NXPH1: variants seen among roughly 807,000 people sequenced by gnomAD.
The protein encoded by NXPH1 is neurexophilin 1, also known as neurexophilin-1.
A neutral mutation model predicts 23.7 loss-of-function variants in NXPH1; 5 were observed. The observed-to-expected ratio is 0.21, with a 90% CI of 0.11 to 0.44. The LOEUF (loss-of-function observed/expected upper bound fraction) is 0.44, where lower values mean the gene tolerates loss of function less well. Ranked by LOEUF, NXPH1 falls within the 20% of genes least tolerant of loss-of-function variation. The pLI, the probability that NXPH1 is intolerant of heterozygous loss-of-function variation, is 0.99. For synonymous variants in NXPH1, 144 were observed against 122.2 expected, an observed-to-expected ratio of 1.18 and a Z score of -1.18; for missense variants, 324 against 321.6, an observed-to-expected ratio of 1.01 and a Z score of -0.06.
chr7:8,509,110 T>C (rs2128613673), intron 2 of NXPH1, among the ~76,000 whole-genome samples: 1 of 152,254 alleles, frequency 6.6e-6, no homozygotes, highest in East Asian at 1.9e-4. Context: ...TTGATATCTT[T>C]ATTAAATGAC....
chr7:8,520,150 G>C (rs894003765), intron 2 of NXPH1, among the ~76,000 whole-genome samples: 2 of 152,126 alleles, frequency 1.3e-5, no homozygotes, highest in Admixed American at 6.6e-5. Flanking sequence ...CGAGAATCTG[G>C]AATAATCTTC....
intron 2 of NXPH1, among the ~76,000 whole-genome samples, chr7:8,485,808 G>T (rs1817148974): frequency 6.6e-6 from 1 of 152,142 alleles, no homozygotes; most frequent in African/African-American, 2.4e-5. Context: ...GAACATTTTG[G>T]ATTCAGGTAT....
chr7:8,554,702 A>G (rs1367952527), intron 2 of NXPH1, among the ~76,000 whole-genome samples: 1 of 151,664 alleles, frequency 6.6e-6, no homozygotes, highest in African/African-American at 2.4e-5. Flanking sequence ...TATTTCCTGA[A>G]TTCTTTGGCC....
intron 2 of NXPH1, among the ~76,000 whole-genome samples, chr7:8,659,684 A>G (rs944050968): frequency 3.9e-5 from 6 of 152,232 alleles, no homozygotes; most frequent in Non-Finnish European, 7.3e-5. Flanking sequence ...GTACATATGT[A>G]ACAAACCTGC....
intron 2 of NXPH1, among the ~76,000 whole-genome samples, chr7:8,695,729 C>T (rs944677431): frequency 1.3e-5 from 2 of 152,226 alleles, no homozygotes; most frequent in African/African-American, 2.4e-5. Flanking sequence ...ACTGTCAGCA[C>T]TCAAAACTTT....
At chr7:8,523,085 T>C (rs1817799922) in intron 2 of NXPH1, among the ~76,000 whole-genome samples, 1 of 152,230 alleles carries the variant, frequency 6.6e-6, no homozygotes, top group Non-Finnish European at 1.5e-5. Flanking sequence ...ATGTGTTTCA[T>C]GTCAGAAGAT....
chr7:8,462,564 G>T (rs1213107545), intron 2 of NXPH1, among the ~76,000 whole-genome samples: 1 of 152,130 alleles, frequency 6.6e-6, no homozygotes, highest in Non-Finnish European at 1.5e-5. Flanking sequence ...TCAAATGCAG[G>T]AAAGCTGGCT....
chr7:8,660,541 A>C (rs186512542), intron 2 of NXPH1, among the ~76,000 whole-genome samples: 1 of 152,258 alleles, frequency 6.6e-6, no homozygotes, highest in African/African-American at 2.4e-5. Flanking sequence ...GAAGTTTTAA[A>C]AATGAATAAG....
At chr7:8,451,848 G>A (rs1816511977) in intron 2 of NXPH1, among the ~76,000 whole-genome samples, 1 of 152,238 alleles carries the variant, frequency 6.6e-6, no homozygotes, top group Admixed American at 6.5e-5. Flanking sequence ...GCATAGGCAA[G>A]AAGAGTATTT....
At chr7:8,612,178 C>T (rs992927240) in intron 2 of NXPH1, among the ~76,000 whole-genome samples, 2 of 151,466 alleles carry the variant, frequency 1.3e-5, no homozygotes, top group Non-Finnish European at 3.0e-5. Flanking sequence ...ATTTCTCCCT[C>T]TTTTCTTTAC....
chr7:8,465,027 C>T (rs1053640010), intron 2 of NXPH1, among the ~76,000 whole-genome samples: 2 of 152,110 alleles, frequency 1.3e-5, no homozygotes, highest in African/African-American at 2.4e-5. Flanking sequence ...GAGAAGGAGA[C>T]ACGAAGACCT....
chr7:8,605,093 A>C (rs957844273), intron 2 of NXPH1, among the ~76,000 whole-genome samples: 3 of 152,146 alleles, frequency 2.0e-5, no homozygotes, highest in African/African-American at 4.8e-5. Context: ...AATAACTTCA[A>C]GTGAATTCAT....
chr7:8,606,949 T>C (rs1396237765), intron 2 of NXPH1, among the ~76,000 whole-genome samples: 1 of 152,302 alleles, frequency 6.6e-6, no homozygotes, highest in East Asian at 1.9e-4. Flanking sequence ...CTAATTTTAT[T>C]GATTGCTTGA....
At chr7:8,459,409 A>G (rs991617051) in intron 2 of NXPH1, among the ~76,000 whole-genome samples, 1 of 152,192 alleles carries the variant, frequency 6.6e-6, no homozygotes, top group Non-Finnish European at 1.5e-5. Context: ...GACTTCTGTA[A>G]TAAAACACAA....
chr7:8,750,024 A>C (rs1055021506), intron 2 of NXPH1, among the ~76,000 whole-genome samples: 1 of 152,106 alleles, frequency 6.6e-6, no homozygotes, highest in African/African-American at 2.4e-5. Flanking sequence ...CTCACAATCC[A>C]CCCTGAAGTG....
At position 8,482,967 on chromosome 7, in the gene NXPH1, C is replaced by T. The variant is rs1199269326; in HGVS notation, c.54+47200C>T. ...ATAAACGAAATATCTTCTCTAAATA[C>T]ATTACATTTTGTTGTCAATATACGG... On this transcript the variant is annotated intron_variant, in intron 2 of 2. Coordinates refer to ENST00000405863, the MANE Select transcript of NXPH1 (RefSeq NM_152745.3). 2.0e-5 allele frequency among the ~76,000 whole-genome samples: 3 copies of T among 152,198 alleles called. No individual in the cohort carries two copies. The East Asian group carries it at 5.8e-4, about 29-fold the overall frequency.
intron 2 of NXPH1, among the ~76,000 whole-genome samples, chr7:8,736,899 T>A (rs1780267265): frequency 6.6e-6 from 1 of 152,182 alleles, no homozygotes; most frequent in Non-Finnish European, 1.5e-5. Flanking sequence ...TTTGTCTTTT[T>A]TGGTCTTTGT....
chr7:8,529,391 G>C (rs887414573), intron 2 of NXPH1, among the ~76,000 whole-genome samples: 3 of 152,190 alleles, frequency 2.0e-5, no homozygotes, highest in Non-Finnish European at 4.4e-5. Flanking sequence ...AGCTGTGTGG[G>C]TGCAGTACAC....
At chr7:8,705,978 A>T (rs1044647787) in intron 2 of NXPH1, among the ~76,000 whole-genome samples, 1 of 152,202 alleles carries the variant, frequency 6.6e-6, no homozygotes, top group Non-Finnish European at 1.5e-5. Flanking sequence ...TGCAGCTAGT[A>T]ACACTGCAGT....
Sources: allele counts gnomAD v4.1 joint callset (sites outside exome capture counted in the v4.1 genomes callset), GRCh38; gene constraint gnomAD v4.1.1; transcripts MANE v1.5; gene names NCBI Gene and HGNC (gene_info 2026-07-23, HGNC 2026-07-21).